Variants in GRIA2 observed in about 807,000 individuals in gnomAD.
The protein encoded by GRIA2 is glutamate receptor 2.
Under a neutral mutation model 97.3 loss-of-function variants are expected in GRIA2, and 14 were observed. The ratio of observed to expected loss-of-function variants is 0.14; its 90% CI spans 0.10 to 0.23. The LOEUF is 0.23. Among genes scored for constraint, GRIA2 ranks in the 10% least tolerant of loss-of-function variants. GRIA2 has a pLI of 1.00. For missense variants in GRIA2, 558 were observed against 1,069.8 expected (o/e 0.52, Z 6.67); for synonymous variants, 412 against 387.8 (o/e 1.06, Z -0.73).
intron 10 of GRIA2, 108 bp from the exon 11 acceptor site, chr4:157,336,269 T>C: frequency 1.1e-6 from 1 of 914,416 alleles, no homozygotes. Flanking sequence ...AAAAAATTAT[T>C]GTCATTTTTC....
intron 4 of GRIA2, among the ~76,000 whole-genome samples, chr4:157,313,613 A>G (rs953557245): frequency 2.0e-5 from 3 of 152,082 alleles, no homozygotes; most frequent in African/African-American, 7.2e-5. Flanking sequence ...ATTTACAAAT[A>G]GGGTAAGTGA....
intron 6 of GRIA2, among the ~76,000 whole-genome samples, chr4:157,328,868 T>C (rs1345364351): frequency 6.6e-6 from 1 of 152,050 alleles, no homozygotes; most frequent in Non-Finnish European, 1.5e-5. Flanking sequence ...TTATGGAGAA[T>C]AATAAAAGAT....
At position 157,355,813 on chromosome 4, in the gene GRIA2, AGTT is replaced by A. The variant is rs1330694613; in HGVS notation, c.2044-4082_2044-4080del. ...TATTAGTTATATATATTTATATATTAGTTATATATATTTATATATATTTTTATA... is the reference window on the plus strand; with the variant it reads ...TATTAGTTATATATATTTATATATTAATATATATTTATATATATTTTTATA... On this transcript the variant is annotated intron_variant, in intron 12 of 15. Coordinates refer to ENST00000264426, the MANE Select transcript of GRIA2 (RefSeq NM_001083619.3). 1.8e-3 allele frequency among the ~76,000 whole-genome samples: 162 copies of A among 87,728 alleles called. 1 individual carries two copies. The highest frequency in any genetic ancestry group is 6.3e-3 in the African/African-American group (154 of 24,440). 57.6% of individuals were successfully genotyped at this position (87,728 alleles called of 152,430 possible). A position where few individuals can be genotyped will look rare whatever the true frequency, so the allele number is the denominator to read the frequency against.
chr4:157,231,829 T>TA (rs1730032998), intron 2 of GRIA2, among the ~76,000 whole-genome samples: 1 of 152,260 alleles, frequency 6.6e-6, no homozygotes, highest in African/African-American at 2.4e-5. Flanking sequence ...AGATATTTTT[T>TA]AAAAAAATTA....
chr4:157,230,269 T>A (rs890225331), intron 2 of GRIA2, among the ~76,000 whole-genome samples: 23 of 151,764 alleles, frequency 1.5e-4, no homozygotes, highest in Admixed American at 3.3e-4. Flanking sequence ...ACAATTTTTT[T>A]ATATATATTA....
rs113443624 is a variant in GRIA2, at chr4:157,304,994, T to C, written c.469+1203T>C. On this transcript the variant is annotated intron_variant, in intron 3 of 15. Coordinates refer to ENST00000264426, the MANE Select transcript of GRIA2 (RefSeq NM_001083619.3). The stretch of plus-strand genomic sequence containing the variant: ...TGCTGTGTCAACAACTATGTCCCCC[T>C]GCTTTGAGAAGGGAGTGCTTTGCTA... Among the ~76,000 whole-genome samples, 885 of 152,258 alleles carry C rather than the reference T, an allele frequency of 5.8e-3. 5 individuals carry two copies. The highest frequency in any genetic ancestry group is 8.6e-3 in the Admixed American group (132 of 15,294).
chr4:157,224,183 A>G (rs1729640581), intron 2 of GRIA2, among the ~76,000 whole-genome samples: 1 of 152,174 alleles, frequency 6.6e-6, no homozygotes, highest in Non-Finnish European at 1.5e-5. Context: ...TGAAGCTAAA[A>G]TAAATATGTT....
chr4:157,222,488 G>A (rs1729544471), intron 2 of GRIA2, among the ~76,000 whole-genome samples: 1 of 152,188 alleles, frequency 6.6e-6, no homozygotes, highest in African/African-American at 2.4e-5. Flanking sequence ...GGGGCGGGGA[G>A]GCGGTGGAAA....
intron 12 of GRIA2, 38 bp from the exon 13 acceptor site, chr4:157,359,858 A>G (rs1221279867): frequency 1.9e-6 from 3 of 1,583,696 alleles, no homozygotes; most frequent in Non-Finnish European, 2.6e-6. Flanking sequence ...TTTTAGGGCC[A>G]TCTCTTAATG....
intron 11 of GRIA2, 26 bp from the exon 12 acceptor site, chr4:157,341,238 C>A (rs781574646): frequency 1.3e-6 from 2 of 1,526,192 alleles, no homozygotes; most frequent in Non-Finnish European, 1.8e-6. Context: ...TTTCACTTTA[C>A]AAATCCATTT....
At chr4:157,275,484 G>A (rs1732254160) in intron 2 of GRIA2, among the ~76,000 whole-genome samples, 1 of 152,114 alleles carries the variant, frequency 6.6e-6, no homozygotes, top group African/African-American at 2.4e-5. Flanking sequence ...TTTTCTTCTA[G>A]AGTTTTTACG....
At chr4:157,246,004 T>C (rs910640425) in intron 2 of GRIA2, among the ~76,000 whole-genome samples, 1 of 151,686 alleles carries the variant, frequency 6.6e-6, no homozygotes, top group Non-Finnish European at 1.5e-5. Context: ...TTTTTTCTGA[T>C]AAAAAAAACA....
chr4:157,299,404 G>T (rs1360646824), intron 2 of GRIA2, among the ~76,000 whole-genome samples: 1 of 152,094 alleles, frequency 6.6e-6, no homozygotes, highest in Non-Finnish European at 1.5e-5. Context: ...CTGCAAAGAG[G>T]TTGTTGCCAT....
intron 2 of GRIA2, among the ~76,000 whole-genome samples, chr4:157,232,788 GT>G (rs1730080387): frequency 6.6e-6 from 1 of 152,122 alleles, no homozygotes; most frequent in Non-Finnish European, 1.5e-5. Flanking sequence ...ATTCGTTGTA[GT>G]TTGTAGCCTT....
chr4:157,259,980 C>A (rs573321063), intron 2 of GRIA2, among the ~76,000 whole-genome samples: 62 of 152,090 alleles, frequency 4.1e-4, no homozygotes, highest in Non-Finnish European at 8.1e-4. Context: ...AATTAGAATT[C>A]TTCTCATTCC....
intron 2 of GRIA2, among the ~76,000 whole-genome samples, chr4:157,226,537 A>C (rs1729754649): frequency 6.6e-6 from 1 of 152,054 alleles, no homozygotes. Flanking sequence ...TTCCCCAGCT[A>C]TCATTTTTGA....
rs532317472 is a variant in GRIA2, at chr4:157,307,771, A to G, written c.469+3980A>G. Among the ~76,000 whole-genome samples, 4 of 152,336 alleles carry G rather than the reference A, an allele frequency of 2.6e-5. No homozygotes were observed. The South Asian group carries it at 8.3e-4, about 32-fold the overall frequency. ...AACAGAATTAGCACTTTATATCTGT[A>G]TATCTTGGTTTCAATATCGAGCAAT... On this transcript the variant is annotated intron_variant, in intron 3 of 15. Transcript: ENST00000264426.
intron 12 of GRIA2, among the ~76,000 whole-genome samples, chr4:157,344,786 A>G (rs952731832): frequency 2.0e-5 from 3 of 152,108 alleles, no homozygotes; most frequent in Admixed American, 2.0e-4. Context: ...TGGATTTAGC[A>G]TCGCAGACAT....
intron 2 of GRIA2, among the ~76,000 whole-genome samples, chr4:157,250,755 T>C (rs965702090): frequency 9.9e-5 from 15 of 152,148 alleles, no homozygotes; most frequent in Admixed American, 9.2e-4. Flanking sequence ...AATCTTGCTA[T>C]ATAATAAAAA....
Sources: allele counts gnomAD v4.1 joint callset (sites outside exome capture counted in the v4.1 genomes callset), GRCh38; gene constraint gnomAD v4.1.1; transcripts MANE v1.5; gene names NCBI Gene and HGNC (gene_info 2026-07-23, HGNC 2026-07-21).